TNS1: variants seen among roughly 807,000 people sequenced by gnomAD.
TNS1 encodes the protein tensin-1.
Under a neutral mutation model 168.6 loss-of-function variants are expected in TNS1, and 62 were observed. The ratio of observed to expected loss-of-function variants is 0.37; its 90% CI spans 0.30 to 0.45. The LOEUF (loss-of-function observed/expected upper bound fraction) is 0.45. Among genes scored for constraint, TNS1 ranks in the 20% least tolerant of loss-of-function variants. TNS1 has a pLI of 1.00. For missense variants in TNS1, 2,240 were observed against 2,339.4 expected, an observed-to-expected ratio of 0.96 and a Z score of 0.88; for synonymous variants, 934 against 933.2, an observed-to-expected ratio of 1.00 and a Z score of -0.02.
chr2:217,962,126 T>G (rs66692436), intron 3 of TNS1, among the ~76,000 whole-genome samples: 1 of 152,038 alleles, frequency 6.6e-6, no homozygotes, highest in African/African-American at 2.4e-5. Flanking sequence ...AGAACCCTGA[T>G]GAATAAAATG....
intron 8 of TNS1, 89 bp downstream of exon 8, chr2:217,897,694 ATGCTGGCACAGGGGC>A (rs751048629): frequency 1.3e-5 from 16 of 1,268,408 alleles, no homozygotes; most frequent in Non-Finnish European, 1.7e-5. Flanking sequence ...AGAAGAGGGC[ATGCTGGCACAGGGGC>A]TGGTGGCAGG....
Position 217,893,506 on chromosome 2 carries a change from C to A in TNS1, c.650G>T (p.Ser217Ile), listed in dbSNP as rs1211476074. 2.5e-6 allele frequency: 4 copies of A among 1,613,442 alleles called. No homozygotes were observed. The highest frequency in any genetic ancestry group is 1.3e-5 in the African/African-American group (1 of 74,938). ...LHTPALEKIC[S>I]ICKAMDTWLN... ...CCATGTGTCCATGGCCTTACAGATG[C>A]TGCAGATCTTCTCCAGGGCTGGGGT... The change falls in exon 10 of 33, where the codon AGC becomes ATC. Residue 217 changes from serine to isoleucine, a missense_variant. Transcript: ENST00000682258.
At chr2:217,870,197 G>T (rs1380386210) in intron 18 of TNS1, among the ~76,000 whole-genome samples, 1 of 152,212 alleles carries the variant, frequency 6.6e-6, no homozygotes, top group Non-Finnish European at 1.5e-5. Flanking sequence ...CAGAAGACAG[G>T]GCACTTGCCC....
chr2:217,837,965 G>T (rs1284719989), intron 19 of TNS1, among the ~76,000 whole-genome samples: 1 of 152,216 alleles, frequency 6.6e-6, no homozygotes, highest in East Asian at 1.9e-4. Context: ...GGGCAGCTTG[G>T]ACCAACACTG....
chr2:217,886,786 A>G, intron 12 of TNS1, 140 bp from the exon 13 acceptor site: 1 of 675,022 alleles, frequency 1.5e-6, no homozygotes. Flanking sequence ...CCCCTCCCCA[A>G]CCAGGCCTCC....
chr2:217,866,909 A>G (rs112813381), intron 18 of TNS1, among the ~76,000 whole-genome samples: 22 of 152,312 alleles, frequency 1.4e-4, no homozygotes, highest in African/African-American at 4.8e-4. Flanking sequence ...CTCAAACCCC[A>G]ACTGCATGGG....
chr2:217,927,100 G>A (rs1956068925), intron 3 of TNS1, among the ~76,000 whole-genome samples: 1 of 152,222 alleles, frequency 6.6e-6, no homozygotes, highest in South Asian at 2.1e-4. Flanking sequence ...GCAGCACATG[G>A]GCCATTTCCA....
intron 3 of TNS1, among the ~76,000 whole-genome samples, chr2:217,954,686 C>T (rs904104537): frequency 8.5e-5 from 13 of 152,136 alleles, no homozygotes; most frequent in African/African-American, 3.1e-4. Flanking sequence ...GGCGCAGACC[C>T]CACTGTCAAG....
chr2:217,902,707 C>G (rs539038393), intron 6 of TNS1, among the ~76,000 whole-genome samples: 1 of 152,174 alleles, frequency 6.6e-6, no homozygotes, highest in African/African-American at 2.4e-5. Context: ...AGTCCAAGCC[C>G]GCTCTGCTCC....
At chr2:217,837,682 C>T (rs567766101) in intron 19 of TNS1, among the ~76,000 whole-genome samples, 1 of 152,368 alleles carries the variant, frequency 6.6e-6, no homozygotes, top group Non-Finnish European at 1.5e-5. Context: ...AAATAGCGCC[C>T]AGGATGGGGA....
chr2:217,926,006 A>T (rs1165333400), intron 3 of TNS1, among the ~76,000 whole-genome samples: 1 of 152,222 alleles, frequency 6.6e-6, no homozygotes, highest in Non-Finnish European at 1.5e-5. Context: ...GTATTTGGAG[A>T]CAGGGTCTTT....
At chr2:217,953,558 T>C (rs1957290761) in intron 3 of TNS1, among the ~76,000 whole-genome samples, 1 of 152,228 alleles carries the variant, frequency 6.6e-6, no homozygotes, top group Admixed American at 6.5e-5. Flanking sequence ...CTGGCCAGCG[T>C]TCAGGCCAAT....
At chr2:217,850,678 A>G in intron 18 of TNS1, 9 of 917,376 alleles carry the variant, frequency 9.8e-6, no homozygotes, top group Non-Finnish European at 1.0e-5. Context: ...GCAAGGAAAA[A>G]AGCCAGCTCC....
chr2:217,895,858 G>C (rs563254186), intron 8 of TNS1, among the ~76,000 whole-genome samples: 86 of 152,334 alleles, frequency 5.6e-4, no homozygotes, highest in African/African-American at 1.9e-3. Flanking sequence ...GGGGAGAAAA[G>C]GGGACAGCCC....
chr2:217,969,994 TC>T (rs1957739394), intron 3 of TNS1, among the ~76,000 whole-genome samples: 1 of 151,584 alleles, frequency 6.6e-6, no homozygotes, highest in Non-Finnish European at 1.5e-5. Context: ...CTATGACAGT[TC>T]CTGATAAAAA....
intron 2 of TNS1, among the ~76,000 whole-genome samples, chr2:217,988,788 C>T (rs562570020): frequency 6.6e-6 from 1 of 152,172 alleles, no homozygotes; most frequent in Admixed American, 6.5e-5. Flanking sequence ...AATCCCCACT[C>T]GGGCCCCACT....
chr2:217,855,148 G>C (rs752522754), intron 18 of TNS1, among the ~76,000 whole-genome samples: 1 of 152,126 alleles, frequency 6.6e-6, no homozygotes, highest in South Asian at 2.1e-4. Context: ...CAACCCCCAC[G>C]CTGGAAATGT....
At chr2:217,810,130 A>G in intron 29 of TNS1, 118 bp downstream of exon 29, 1 of 1,434,744 alleles carries the variant, frequency 7.0e-7, no homozygotes, top group Non-Finnish European at 9.6e-7. Context: ...TAGAAATGTG[A>G]TCTTCCCAGA....
chr2:217,959,003 C>T (rs1337591088), intron 3 of TNS1, among the ~76,000 whole-genome samples: 3 of 152,240 alleles, frequency 2.0e-5, no homozygotes, highest in African/African-American at 7.2e-5. Flanking sequence ...ATTCTTGCAT[C>T]TTCTCTCAGG....
Sources: gnomAD v4.1 joint callset for allele counts (sites outside exome capture counted in the v4.1 genomes callset) on GRCh38, gnomAD v4.1.1 for gene constraint, MANE v1.5 for transcripts, NCBI Gene and HGNC (gene_info 2026-07-23, HGNC 2026-07-21) for gene names.